The following WWOX variants were observed in gnomAD, a reference collection of about 807,000 sequenced individuals.
WWOX encodes the protein WW domain-containing oxidoreductase.
Under a neutral mutation model 46.2 loss-of-function variants are expected in WWOX, and 69 were observed. That is an observed-to-expected ratio of 1.49 (90% CI 1.23 to 1.82). The LOEUF (loss-of-function observed/expected upper bound fraction) is 1.82. WWOX is among the 40% of genes most tolerant of loss of function. WWOX has a pLI of 0.00. For missense variants in WWOX, 919 were observed against 542.6 expected (o/e 1.69, Z -6.89); for synonymous variants, 359 against 202.6 (o/e 1.77, Z -6.56).
chr16:78,213,866 T>C (rs764447371), intron 5 of WWOX, among the ~76,000 whole-genome samples: 51 of 152,286 alleles, frequency 3.3e-4, no homozygotes, highest in Non-Finnish European at 6.8e-4. Context: ...CCTGGAGACC[T>C]GAGGGCTTCT....
At chr16:78,639,245 A>G (rs1048558000) in intron 8 of WWOX, among the ~76,000 whole-genome samples, 5 of 152,120 alleles carry the variant, frequency 3.3e-5, no homozygotes, top group African/African-American at 1.2e-4. Context: ...GGCATCAATG[A>G]CACATGCAGT....
chr16:78,143,952 ACT>A (rs907736268), intron 4 of WWOX, among the ~76,000 whole-genome samples: 16 of 152,234 alleles, frequency 1.1e-4, no homozygotes, highest in Admixed American at 6.5e-4. Context: ...AAAAAAATCA[ACT>A]TTTTGAAGCA....
At chr16:78,919,202 T>C (rs1406931388) in intron 8 of WWOX, among the ~76,000 whole-genome samples, 2 of 152,118 alleles carry the variant, frequency 1.3e-5, no homozygotes, top group South Asian at 4.1e-4. Flanking sequence ...TATTCTCTTA[T>C]GTGTATTCAT....
At chr16:78,851,795 G>A (rs1339038282) in intron 8 of WWOX, among the ~76,000 whole-genome samples, 2 of 152,176 alleles carry the variant, frequency 1.3e-5, no homozygotes, top group African/African-American at 4.8e-5. Context: ...CTGTTCAAAA[G>A]TTTTATTGTA....
At chr16:78,166,062 G>A (rs1051932447) in intron 5 of WWOX, among the ~76,000 whole-genome samples, 9 of 152,148 alleles carry the variant, frequency 5.9e-5, no homozygotes, top group African/African-American at 1.7e-4. Flanking sequence ...AAAATGAAAT[G>A]TGAAAGTCGT....
intron 8 of WWOX, among the ~76,000 whole-genome samples, chr16:79,199,297 A>T (rs578187206): frequency 6.6e-6 from 1 of 152,234 alleles, no homozygotes; most frequent in African/African-American, 2.4e-5. Context: ...TCCTGACCTC[A>T]AGTGATCCAC....
At chr16:78,920,495 C>G (rs969918458) in intron 8 of WWOX, among the ~76,000 whole-genome samples, 1 of 152,184 alleles carries the variant, frequency 6.6e-6, no homozygotes, top group African/African-American at 2.4e-5. Context: ...GAACTGCTGC[C>G]TGCATCCCCA....
chr16:79,056,331 G>A (rs566850431), intron 8 of WWOX, among the ~76,000 whole-genome samples: 65 of 152,076 alleles, frequency 4.3e-4, no homozygotes, highest in African/African-American at 1.5e-3. Context: ...ATGACAATTT[G>A]TACATTCTTT....
At chr16:78,149,920 T>A (rs1404948635) in intron 4 of WWOX, among the ~76,000 whole-genome samples, 1 of 152,142 alleles carries the variant, frequency 6.6e-6, no homozygotes, top group Non-Finnish European at 1.5e-5. Flanking sequence ...CCATGACAAA[T>A]GTGTGGAGTG....
In WWOX at chr16:78,355,319, G is replaced by A. The variant is rs553039126; in HGVS notation, c.517-31541G>A. 6.6e-5 allele frequency among the ~76,000 whole-genome samples: 10 copies of A among 152,230 alleles called. No homozygotes were observed. The East Asian group carries it at 1.5e-3, about 24-fold the overall frequency. ...TGTGTATAGATAAAAATGCGTGTATGGTGCTGGGCGCAGTGGCTCACGCCT... is the reference window on the plus strand; with the variant it reads ...TGTGTATAGATAAAAATGCGTGTATAGTGCTGGGCGCAGTGGCTCACGCCT... On this transcript the variant is annotated intron_variant, in intron 5 of 8. Coordinates refer to ENST00000566780, the MANE Select transcript of WWOX (RefSeq NM_016373.4).
intron 8 of WWOX, among the ~76,000 whole-genome samples, chr16:78,703,958 T>G (rs1170901325): frequency 6.6e-6 from 1 of 152,148 alleles, no homozygotes; most frequent in Non-Finnish European, 1.5e-5. Context: ...ATAATATTTA[T>G]CATTTTAACC....
intron 5 of WWOX, chr16:78,267,189 G>C (rs1043845227): frequency 6.6e-6 from 1 of 152,272 alleles, no homozygotes; most frequent in Non-Finnish European, 1.5e-5. Context: ...TTTCAACAGT[G>C]TGAAAATGAA....
At chr16:78,829,711 C>T (rs781171667) in intron 8 of WWOX, among the ~76,000 whole-genome samples, 1 of 152,128 alleles carries the variant, frequency 6.6e-6, no homozygotes, top group Non-Finnish European at 1.5e-5. Flanking sequence ...GTCTAGGAGT[C>T]ATTATCTTCC....
At chr16:78,414,885 A>T (rs1431413260) in intron 6 of WWOX, among the ~76,000 whole-genome samples, 1 of 152,116 alleles carries the variant, frequency 6.6e-6, no homozygotes, top group African/African-American at 2.4e-5. Context: ...ACGGGTCCCA[A>T]TCTAGACCCC....
intron 8 of WWOX, chr16:78,898,963 T>C (rs2044763280): frequency 1.3e-5 from 2 of 152,162 alleles, no homozygotes; most frequent in Admixed American, 1.3e-4. Context: ...TGCTCTCATA[T>C]CCTGTGATCT....
At chr16:78,898,328 G>C (rs989844539) in intron 8 of WWOX, 7 of 152,050 alleles carry the variant, frequency 4.6e-5, no homozygotes, top group African/African-American at 1.4e-4. Flanking sequence ...TATGGTGTGA[G>C]GTAATGGTAG....
chr16:78,473,910 G>A (rs2084294581), intron 8 of WWOX, among the ~76,000 whole-genome samples: 1 of 152,152 alleles, frequency 6.6e-6, no homozygotes, highest in Non-Finnish European at 1.5e-5. Flanking sequence ...ATTAATTTAG[G>A]GATGATGAGA....
At chr16:78,862,656 C>G (rs1037713068) in intron 8 of WWOX, among the ~76,000 whole-genome samples, 1 of 152,226 alleles carries the variant, frequency 6.6e-6, no homozygotes, top group Non-Finnish European at 1.5e-5. Context: ...GGCATCAGTT[C>G]CATTCCATAT....
At chr16:78,850,142 C>T (rs1331705677) in intron 8 of WWOX, among the ~76,000 whole-genome samples, 8 of 151,744 alleles carry the variant, frequency 5.3e-5, no homozygotes, top group Admixed American at 4.6e-4. Flanking sequence ...CTACCAGTTT[C>T]TGTGTGTGTG....
Sources: allele counts gnomAD v4.1 joint callset (sites outside exome capture counted in the v4.1 genomes callset), GRCh38; gene constraint gnomAD v4.1.1; transcripts MANE v1.5; gene names NCBI Gene and HGNC (gene_info 2026-07-23, HGNC 2026-07-21).